H2AC7: variants seen among roughly 807,000 people sequenced by gnomAD.
The protein encoded by H2AC7 is histone H2A type 1-D.
In H2AC7, 15 loss-of-function variants were observed where a neutral mutation model predicts 8.3. That is an observed-to-expected ratio of 1.81 (90% CI 1.21 to 2.79). The LOEUF (loss-of-function observed/expected upper bound fraction) is 2.79. Among genes scored for constraint, H2AC7 ranks in the 30% most tolerant of loss-of-function variants. The probability of loss-of-function intolerance (pLI) is 0.00; values close to 1 mark genes in which losing one functional copy is unlikely to be tolerated. For synonymous variants in H2AC7, 168 were observed against 80.1 expected, an observed-to-expected ratio of 2.10 and a Z score of -5.86; for missense variants, 283 against 175.2, an observed-to-expected ratio of 1.62 and a Z score of -3.47.
rs573140623 is a variant in H2AC7, at chr6:26,198,808, G to A, written c.*43C>T. On this transcript the variant is annotated 3_prime_UTR_variant, in exon 1 of 1. Transcript: ENST00000341023. ...ATGGGTGGCTCTGAAAAGAGCCTTT[G>A]TTAAGACTGCTTCCTTAAAAAGCCA... 6.3e-6 allele frequency: 10 copies of A among 1,593,764 alleles called. No individual in the cohort carries two copies. The highest frequency in any genetic ancestry group is 8.5e-6 in the Non-Finnish European group (10 of 1,171,246).
rs112070326 is a variant in H2AC7 at position 26,198,821 on chromosome 6, C to T, written c.*30G>A. The T allele has an allele frequency of 1.2e-6, 2 of 1,601,356 alleles. No homozygotes were observed. The highest frequency in any genetic ancestry group is 3.6e-5 in the Admixed American group (2 of 55,278). ...AAAAGAGCCTTTGTTAAGACTGCTT[C>T]CTTAAAAAGCCAATATAAGAGTTCT... On this transcript the variant is annotated 3_prime_UTR_variant, in exon 1 of 1. Transcript: ENST00000341023.
Position 26,199,076 on chromosome 6 carries a change from C to T in H2AC7, c.168G>A (p.Leu56=). ...CCAGGATCTCGGCGGTCAGGTACTC[C>T]AACACCGCCGCCAGATACACTGGCG... ...AGAPVYLAAV[L]EYLTAEILEL... is the part of the protein sequence containing the mutation. The change falls in exon 1 of 1, where the codon TTG becomes TTA. Residue 56 remains leucine (L), a synonymous_variant. Transcript: ENST00000341023. 2 of 1,614,168 alleles carry T rather than the reference C, an allele frequency of 1.2e-6. No individual in the cohort carries two copies. Among genetic ancestry groups the T allele is most frequent in the Non-Finnish European group, 1.7e-6 (2 of 1,180,036 alleles).
chr6:26,199,211 G>A lies in H2AC7; in HGVS notation c.33C>T (p.Ala11=), dbSNP rs761246386. 11 of 1,608,706 alleles carry A rather than the reference G, an allele frequency of 6.8e-6. No individual in the cohort carries two copies. Among genetic ancestry groups the A allele is most frequent in the East Asian group, 2.2e-5 (1 of 44,878 alleles). Residue 11 remains alanine, a synonymous_variant, in exon 1 of 1, where the codon GCC becomes GCT. Transcript: ENST00000341023. The part of the protein sequence containing the change: MSGRGKQGGK[A]RAKAKTRSSR... ...AAGAGCGGGTCTTAGCCTTAGCTCGGGCCTTTCCGCCTTGCTTGCCGCGTC... is the reference window on the plus strand; with the variant it reads ...AAGAGCGGGTCTTAGCCTTAGCTCGAGCCTTTCCGCCTTGCTTGCCGCGTC...
rs767965602 is a variant in H2AC7 at position 26,199,133 on chromosome 6, C to T, written c.111G>A (p.Lys37=). 1.7e-5 allele frequency: 27 copies of T among 1,614,128 alleles called. No homozygotes were observed. Among genetic ancestry groups the T allele is most frequent in the South Asian group, 6.6e-5 (6 of 91,092 alleles). Reference sequence around the variant, plus strand: ...CCCCGACTCGCTCGGAGTAGTTGCCCTTGCGGAGCAAGCGGTGTACGCGGC... The same window carrying T: ...CCCCGACTCGCTCGGAGTAGTTGCCTTTGCGGAGCAAGCGGTGTACGCGGC... ...PVGRVHRLLR[K]GNYSERVGAG... is the part of the protein sequence containing the mutation. The change falls in exon 1 of 1, where the codon AAG becomes AAA. Residue 37 remains lysine, a synonymous_variant. Transcript: ENST00000341023.
In H2AC7 at chr6:26,198,846, T is replaced by C; in HGVS notation, c.*5A>G. On this transcript the variant is annotated 3_prime_UTR_variant, in exon 1 of 1. Transcript: ENST00000341023. ...CCTTAAAAAGCCAATATAAGAGTTC[T>C]CGTTTTACTTGCCCTTGGCCTTGTG... 1.2e-6 allele frequency: 2 copies of C among 1,611,110 alleles called. No homozygotes were observed. Among genetic ancestry groups the C allele is most frequent in the East Asian group, 2.2e-5 (1 of 44,854 alleles).
At position 26,199,233 on chromosome 6, in the gene H2AC7, C is replaced by G. The variant is rs1765069290; in HGVS notation, c.11G>C (p.Arg4Pro). The G allele has an allele frequency of 6.3e-7, 1 of 1,595,686 alleles. No homozygotes were observed. Among genetic ancestry groups the G allele is most frequent in the Non-Finnish European group, 8.5e-7 (1 of 1,175,566 alleles). Residue 4 changes from arginine (R) to proline (P), a missense_variant, in exon 1 of 1, where the codon CGC becomes CCC. By Grantham distance (103) the Arg-to-Pro change is moderately radical. Transcript: ENST00000341023. ...TCGGGCCTTTCCGCCTTGCTTGCCG[C>G]GTCCGGACATTTTGAATTCTTAAAA... MSG[R>P]GKQGGKARAK...
At position 26,199,163 on chromosome 6, in the gene H2AC7, AG is replaced by A. The variant is rs767259042; in HGVS notation, c.80del (p.Pro27LeufsTer33). The A allele has an allele frequency of 6.2e-7, 1 of 1,614,114 alleles. No homozygotes were observed. The highest frequency in any genetic ancestry group is 8.5e-7 in the Non-Finnish European group (1 of 1,179,978). ...GGAGCAAGCGGTGTACGCGGCCCAC[AG>A]GGAACTGGAGTCCGGCCCGCGAAGA... ...TRSSRAGLQF[P>X]VGRVHRLLRK... On this transcript the variant is annotated frameshift_variant, in exon 1 of 1. Coordinates refer to ENST00000341023, the MANE Select transcript of H2AC7 (RefSeq NM_021065.3). LOFTEE classifies it high-confidence loss of function.
Position 26,199,254 on chromosome 6 carries a change from T to A in H2AC7, c.-11A>T, listed in dbSNP as rs770104124. On this transcript the variant is annotated 5_prime_UTR_variant, in exon 1 of 1. Coordinates refer to ENST00000341023, the MANE Select transcript of H2AC7 (RefSeq NM_021065.3). ...GCCGCGTCCGGACATTTTGAATTCT[T>A]AAAAACGATGTTAAGCAATGAAGAC... The A allele has an allele frequency of 8.9e-5, 142 of 1,591,494 alleles. No homozygotes were observed. The highest frequency in any genetic ancestry group is 1.0e-4 in the Non-Finnish European group (123 of 1,174,312).
At position 26,199,050 on chromosome 6, in the gene H2AC7, T is replaced by G; in HGVS notation, c.194A>C (p.Glu65Ala). Residue 65 changes from glutamate to alanine, a missense_variant, in exon 1 of 1, where the codon GAG becomes GCG. By Grantham distance (107) the Glu-to-Ala change is moderately radical. Coordinates refer to ENST00000341023, the MANE Select transcript of H2AC7 (RefSeq NM_021065.3). ...VLEYLTAEIL[E>A]LAGNAARDNK... ...GTCGCGGGCGGCGTTGCCCGCCAGC[T>G]CCAGGATCTCGGCGGTCAGGTACTC... 6.2e-7 allele frequency: 1 copy of G among 1,614,136 alleles called. No homozygotes were observed. The highest frequency in any genetic ancestry group is 8.5e-7 in the Non-Finnish European group (1 of 1,180,014).
At position 26,199,210 on chromosome 6, in the gene H2AC7, G is replaced by T. The variant is rs374947872; in HGVS notation, c.34C>A (p.Arg12=). 2.5e-6 allele frequency: 4 copies of T among 1,608,836 alleles called. No homozygotes were observed. The highest frequency in any genetic ancestry group is 3.4e-6 in the Non-Finnish European group (4 of 1,178,634). The change falls in exon 1 of 1, where the codon CGA becomes AGA. Residue 12 remains arginine (R), a synonymous_variant. Transcript: ENST00000341023. ...SGRGKQGGKA[R]AKAKTRSSRA... is the part of the protein sequence containing the mutation. ...GAAGAGCGGGTCTTAGCCTTAGCTC[G>T]GGCCTTTCCGCCTTGCTTGCCGCGT...
At position 26,198,914 on chromosome 6, in the gene H2AC7, G is replaced by C. The variant is rs749812440; in HGVS notation, c.330C>G (p.Pro110=). 1 of 1,614,232 alleles carries C rather than the reference G, an allele frequency of 6.2e-7. No homozygotes were observed. The highest frequency in any genetic ancestry group is 8.5e-7 in the Non-Finnish European group (1 of 1,180,038). The change falls in exon 1 of 1, where the codon CCC becomes CCG. Residue 110 remains proline, a synonymous_variant. Transcript: ENST00000341023. Reference sequence around the variant, plus strand: ...TGGGGAGCAGTACAGCCTGGATGTTGGGCAGAACACCGCCCTGAGCAATTG... The same window carrying C: ...TGGGGAGCAGTACAGCCTGGATGTTCGGCAGAACACCGCCCTGAGCAATTG... ...KVTIAQGGVL[P]NIQAVLLPKK... is the part of the protein sequence containing the mutation.
In H2AC7 at chr6:26,199,122, G is replaced by C. The variant is rs769958944; in HGVS notation, c.122C>G (p.Ser41Cys). 2.5e-6 allele frequency: 4 copies of C among 1,614,228 alleles called. No homozygotes were observed. The highest frequency in any genetic ancestry group is 1.3e-5 in the African/African-American group (1 of 75,082). Residue 41 changes from serine (S) to cysteine (C), a missense_variant, in exon 1 of 1, where the codon TCC becomes TGC. Physicochemically the swap from Ser to Cys is moderately radical, Grantham distance 112. Transcript: ENST00000341023. ...TGGCGCGCCGGCCCCGACTCGCTCGGAGTAGTTGCCCTTGCGGAGCAAGCG... is the reference window on the plus strand; with the variant it reads ...TGGCGCGCCGGCCCCGACTCGCTCGCAGTAGTTGCCCTTGCGGAGCAAGCG... ...VHRLLRKGNY[S>C]ERVGAGAPVY... is the part of the protein sequence containing the mutation.
At position 26,199,004 on chromosome 6, in the gene H2AC7, G is replaced by T. The variant is rs762950765; in HGVS notation, c.240C>A (p.Ile80=). 1.2e-6 allele frequency: 2 copies of T among 1,614,178 alleles called. No individual in the cohort carries two copies. Among genetic ancestry groups the T allele is most frequent in the South Asian group, 1.1e-5 (1 of 91,080 alleles). Residue 80 remains isoleucine, a synonymous_variant, in exon 1 of 1, where the codon ATC becomes ATA. Coordinates refer to ENST00000341023, the MANE Select transcript of H2AC7 (RefSeq NM_021065.3). The part of the protein sequence containing the change: ...AARDNKKTRI[I]PRHLQLAIRN... Reference sequence around the variant, plus strand: ...GGATGGCCAGCTGCAGGTGTCGGGGGATGATGCGGGTCTTCTTGTTGTCGC... The same window carrying T: ...GGATGGCCAGCTGCAGGTGTCGGGGTATGATGCGGGTCTTCTTGTTGTCGC...
chr6:26,198,903 G>C lies in H2AC7; in HGVS notation c.341C>G (p.Ala114Gly). 6.2e-7 allele frequency: 1 copy of C among 1,614,236 alleles called. No individual in the cohort carries two copies. Among genetic ancestry groups the C allele is most frequent in the Non-Finnish European group, 8.5e-7 (1 of 1,180,036 alleles). The change falls in exon 1 of 1, where the codon GCT becomes GGT. Residue 114 changes from alanine (A) to glycine (G), a missense_variant. By Grantham distance (60) the Ala-to-Gly change is moderately conservative. Transcript: ENST00000341023. ...CTCAGTCTTCTTGGGGAGCAGTACA[G>C]CCTGGATGTTGGGCAGAACACCGCC... ...AQGGVLPNIQAVLLPKKTESH... is the reference protein window; with the variant it reads ...AQGGVLPNIQGVLLPKKTESH...
rs764442578 is a variant in H2AC7 at position 26,199,274 on chromosome 6, G to T, written c.-31C>A. On this transcript the variant is annotated 5_prime_UTR_variant, in exon 1 of 1. Transcript: ENST00000341023. ...ATTCTTAAAAACGATGTTAAGCAAT[G>T]AAGACAAAAATGTAAAAGTGAATTT... 2 of 1,579,932 alleles carry T rather than the reference G, an allele frequency of 1.3e-6. No homozygotes were observed. Among genetic ancestry groups the T allele is most frequent in the Non-Finnish European group, 8.5e-7 (1 of 1,170,420 alleles).
rs138430545 is a variant in H2AC7 at position 26,199,178 on chromosome 6, G to C, written c.66C>G (p.Ala22=). Residue 22 remains alanine, a synonymous_variant, in exon 1 of 1, where the codon GCC becomes GCG. Coordinates refer to ENST00000341023, the MANE Select transcript of H2AC7 (RefSeq NM_021065.3). Reference sequence around the variant, plus strand: ...CGCGGCCCACAGGGAACTGGAGTCCGGCCCGCGAAGAGCGGGTCTTAGCCT... The same window carrying C: ...CGCGGCCCACAGGGAACTGGAGTCCCGCCCGCGAAGAGCGGGTCTTAGCCT... ...RAKAKTRSSR[A]GLQFPVGRVH... is the part of the protein sequence containing the mutation. 1.1e-5 allele frequency: 17 copies of C among 1,614,086 alleles called. No individual in the cohort carries two copies. The highest frequency in any genetic ancestry group is 1.4e-5 in the Non-Finnish European group (16 of 1,179,972).
In H2AC7 at chr6:26,199,258, A is replaced by G. The variant is rs1407622065; in HGVS notation, c.-15T>C. ...CGTCCGGACATTTTGAATTCTTAAA[A>G]ACGATGTTAAGCAATGAAGACAAAA... On this transcript the variant is annotated 5_prime_UTR_variant, in exon 1 of 1. Coordinates refer to ENST00000341023, the MANE Select transcript of H2AC7 (RefSeq NM_021065.3). 7 of 1,590,990 alleles carry G rather than the reference A, an allele frequency of 4.4e-6. No homozygotes were observed. The highest frequency in any genetic ancestry group is 2.2e-5 in the East Asian group (1 of 44,818).
Position 26,198,810 on chromosome 6 carries a change from TAA to T in H2AC7, c.*39_*40del, listed in dbSNP as rs1330468654. ...GGGTGGCTCTGAAAAGAGCCTTTGTTAAGACTGCTTCCTTAAAAAGCCAATAT... is the reference window on the plus strand; with the variant it reads ...GGGTGGCTCTGAAAAGAGCCTTTGTTGACTGCTTCCTTAAAAAGCCAATAT... On this transcript the variant is annotated 3_prime_UTR_variant, in exon 1 of 1. Coordinates refer to ENST00000341023, the MANE Select transcript of H2AC7 (RefSeq NM_021065.3). 8 of 1,595,774 alleles carry T rather than the reference TAA, an allele frequency of 5.0e-6. No homozygotes were observed. Among genetic ancestry groups the T allele is most frequent in the Admixed American group, 3.7e-5 (2 of 54,342 alleles).
At position 26,199,195 on chromosome 6, in the gene H2AC7, T is replaced by G. The variant is rs878991364; in HGVS notation, c.49A>C (p.Thr17Pro). The change falls in exon 1 of 1, where the codon ACC becomes CCC. Residue 17 changes from threonine to proline, a missense_variant. Coordinates refer to ENST00000341023, the MANE Select transcript of H2AC7 (RefSeq NM_021065.3). ...TGGAGTCCGGCCCGCGAAGAGCGGGTCTTAGCCTTAGCTCGGGCCTTTCCG... is the reference window on the plus strand; with the variant it reads ...TGGAGTCCGGCCCGCGAAGAGCGGGGCTTAGCCTTAGCTCGGGCCTTTCCG... Reference protein sequence around the residue: ...QGGKARAKAKTRSSRAGLQFP... With the variant: ...QGGKARAKAKPRSSRAGLQFP... 6.2e-7 allele frequency: 1 copy of G among 1,613,672 alleles called. No individual in the cohort carries two copies. Among genetic ancestry groups the G allele is most frequent in the South Asian group, 1.1e-5 (1 of 91,004 alleles).
Sources: gnomAD v4.1 joint callset for allele counts on GRCh38, gnomAD v4.1.1 for gene constraint, MANE v1.5 for transcripts, NCBI Gene and HGNC (gene_info 2026-07-23, HGNC 2026-07-21) for gene names.